The following ATP11C variants were observed in gnomAD, a reference collection of about 807,000 sequenced individuals.
ATP11C encodes the protein ATPase phospholipid transporting 11C (ATP11C blood group).
Under a neutral mutation model 97.4 loss-of-function variants are expected in ATP11C, and 36 were observed. That is an observed-to-expected ratio of 0.37 (90% CI 0.28 to 0.49). The LOEUF is 0.49. Ranked by LOEUF, ATP11C falls within the 20% of genes least tolerant of loss-of-function variation. The pLI is 0.98. For missense variants in ATP11C, 730 were observed against 824.6 expected (o/e 0.89, Z 1.40); for synonymous variants, 275 against 290.9 (o/e 0.95, Z 0.56).
chrX:139,820,082 C>T (rs1441816803), intron 2 of ATP11C, among the ~76,000 whole-genome samples: 6 of 110,458 alleles, frequency 5.4e-5, no homozygotes, highest in African/African-American at 2.0e-4. Context: ...GCTACTCGGG[C>T]GGCTGAGACA....
At chrX:139,729,574 G>GT (rs754030982) in intron 29 of ATP11C, among the ~76,000 whole-genome samples, 5 of 111,623 alleles carry the variant, frequency 4.5e-5, no homozygotes, top group Admixed American at 9.5e-5. Flanking sequence ...TGATTCTTCT[G>GT]TTTTTTCTTA....
At chrX:139,924,592 T>C (rs1693300436) in intron 1 of ATP11C, among the ~76,000 whole-genome samples, 1 of 111,058 alleles carries the variant, frequency 9.0e-6, no homozygotes, top group Non-Finnish European at 1.9e-5. Context: ...AGTGGCTCAC[T>C]CTGCTTAAGC....
chrX:139,860,856 C>T (rs886466372), intron 1 of ATP11C, among the ~76,000 whole-genome samples: 8 of 112,095 alleles, frequency 7.1e-5, no homozygotes, highest in Admixed American at 4.7e-4. Flanking sequence ...ATTCAGATAC[C>T]GCAGCTCCTA....
rs997498543 is a variant in ATP11C, at chrX:139,727,133, T to C, written c.*1833A>G. ...TATTCTGTTAACTCTCCAATGGTAC[T>C]GCATTAAACAAGCCTCTCTACTGTG... On this transcript the variant is annotated 3_prime_UTR_variant, in exon 30 of 30. Coordinates refer to ENST00000682941, the MANE Select transcript of ATP11C (RefSeq NM_001353812.2). 8.9e-6 allele frequency: 1 copy of C among 112,315 alleles called. No homozygotes were observed. The highest frequency in any genetic ancestry group is 9.5e-5 in the Admixed American group (1 of 10,504). The allele number at this position is 112,315 out of a possible 1,213,427, so 9.3% of individuals were successfully genotyped here.
intron 1 of ATP11C, among the ~76,000 whole-genome samples, chrX:139,915,862 AATTC>A (rs1394818412): frequency 1.8e-5 from 2 of 111,628 alleles, no homozygotes; most frequent in Non-Finnish European, 3.8e-5. Flanking sequence ...TTATAGAGTT[AATTC>A]ATTAACTACA....
At chrX:139,872,088 T>C (rs1472209207) in intron 1 of ATP11C, among the ~76,000 whole-genome samples, 2 of 111,200 alleles carry the variant, frequency 1.8e-5, no homozygotes, top group African/African-American at 6.6e-5. Flanking sequence ...TATTTTAAGA[T>C]AGCCTAAAAA....
intron 1 of ATP11C, among the ~76,000 whole-genome samples, chrX:139,926,420 T>C (rs2085352696): frequency 8.9e-6 from 1 of 112,270 alleles, no homozygotes; most frequent in African/African-American, 3.2e-5. Flanking sequence ...CAGTATTTGA[T>C]TTCACTCAGT....
At chrX:139,827,414 CATT>C (rs2083553678) in intron 1 of ATP11C, among the ~76,000 whole-genome samples, 1 of 111,984 alleles carries the variant, frequency 8.9e-6, no homozygotes. Context: ...CTCAGAGCCT[CATT>C]GTTGTAAAGT....
At chrX:139,749,809 T>C (rs1401634132) in intron 24 of ATP11C, among the ~76,000 whole-genome samples, 1 of 112,008 alleles carries the variant, frequency 8.9e-6, no homozygotes, top group Non-Finnish European at 1.9e-5. Context: ...GACTCTGAAC[T>C]AAATGTTTCA....
chrX:139,851,430 CAG>C (rs1413990082), intron 1 of ATP11C, among the ~76,000 whole-genome samples: 2 of 112,458 alleles, frequency 1.8e-5, no homozygotes, highest in Admixed American at 1.9e-4. Flanking sequence ...GGTGCCCAGG[CAG>C]AGACTTGTCA....
chrX:139,899,071 G>A (rs1240149922), intron 1 of ATP11C, among the ~76,000 whole-genome samples: 1 of 111,609 alleles, frequency 9.0e-6, no homozygotes, highest in Non-Finnish European at 1.9e-5. Context: ...TCCCAGTTGA[G>A]GGACATTCTA....
At chrX:139,759,773 A>G (rs888747219) in intron 22 of ATP11C, among the ~76,000 whole-genome samples, 1 of 112,104 alleles carries the variant, frequency 8.9e-6, no homozygotes, top group Non-Finnish European at 1.9e-5. Flanking sequence ...GGGCCTAGAG[A>G]TACTAACGAA....
intron 1 of ATP11C, among the ~76,000 whole-genome samples, chrX:139,928,836 C>G (rs1371708811): frequency 8.9e-6 from 1 of 112,043 alleles, no homozygotes; most frequent in African/African-American, 3.2e-5. Context: ...TTAACTATCA[C>G]TGACAAGCTA....
At chrX:139,933,771 C>G (rs187893938), upstream of ATP11C, among the ~76,000 whole-genome samples, 144 of 112,203 alleles carry the variant, frequency 1.3e-3, no homozygotes, top group Non-Finnish European at 2.5e-3. Flanking sequence ...TCTCCTTTAC[C>G]CTCCGGAGTT....
chrX:139,857,963 TG>T (rs1236458193), intron 1 of ATP11C, among the ~76,000 whole-genome samples: 3 of 111,728 alleles, frequency 2.7e-5, no homozygotes, highest in Non-Finnish European at 5.7e-5. Flanking sequence ...GGGACCAGGA[TG>T]GTAAGAGGTG....
chrX:139,811,672 A>C (rs1165040772), intron 5 of ATP11C, among the ~76,000 whole-genome samples: 1 of 110,476 alleles, frequency 9.1e-6, no homozygotes, highest in African/African-American at 3.3e-5. Context: ...TAAAATCTAA[A>C]CAGGTAGTAA....
intron 1 of ATP11C, among the ~76,000 whole-genome samples, chrX:139,906,970 C>T (rs1187697163): frequency 1.8e-5 from 2 of 111,173 alleles, no homozygotes; most frequent in African/African-American, 6.5e-5. Flanking sequence ...TTCATAACAA[C>T]CCAAAATGGT....
chrX:139,844,221 A>G (rs1458726814), intron 1 of ATP11C, among the ~76,000 whole-genome samples: 2 of 112,408 alleles, frequency 1.8e-5, no homozygotes, highest in Non-Finnish European at 3.8e-5. Context: ...AGACTTCAAT[A>G]AAACAAAATG....
intron 8 of ATP11C, 80 bp from the exon 9 acceptor site, chrX:139,798,823 C>T (rs2082858433): frequency 1.4e-6 from 1 of 694,825 alleles, no homozygotes; most frequent in Non-Finnish European, 2.3e-6. Flanking sequence ...CCCTGACACA[C>T]ACCTATCTCC....
Sources: gnomAD v4.1 joint callset for allele counts (sites outside exome capture counted in the v4.1 genomes callset) on GRCh38, gnomAD v4.1.1 for gene constraint, MANE v1.5 for transcripts, NCBI Gene and HGNC (gene_info 2026-07-23, HGNC 2026-07-21) for gene names.